Variants in RAB37 observed in about 807,000 individuals in gnomAD.
RAB37 encodes RAB37, member RAS oncogene family.
RAB37 carries 29 observed loss-of-function variants against 33.1 expected under a neutral mutation model. The observed-to-expected ratio is 0.88, with a 90% CI of 0.65 to 1.20. The LOEUF is 1.20. Ranked by LOEUF, RAB37 falls within the 50% of genes most tolerant of loss-of-function variation. The pLI is 0.00. For synonymous variants in RAB37, 128 were observed against 119.5 expected (o/e 1.07, Z -0.47); for missense variants, 299 against 301.1 (o/e 0.99, Z 0.05).
chr17:74,712,942 G>A, intron 1 of RAB37: 1 of 1,449,516 alleles, frequency 6.9e-7, no homozygotes, highest in Non-Finnish European at 9.6e-7. Context: ...CCAGCCTTCT[G>A]CTGGTACTCA....
chr17:74,698,216 C>T (rs1287287881), intron 1 of RAB37, among the ~76,000 whole-genome samples: 1 of 152,186 alleles, frequency 6.6e-6, no homozygotes, highest in Non-Finnish European at 1.5e-5. Flanking sequence ...CCAGGGCGCC[C>T]CCCGGTCCCC....
At chr17:74,743,418 C>T in intron 5 of RAB37, 78 bp downstream of exon 5, 1 of 1,446,648 alleles carries the variant, frequency 6.9e-7, no homozygotes, top group Non-Finnish European at 9.7e-7. Flanking sequence ...GCTTCCTGCC[C>T]TGTGGAAAGC....
chr17:74,698,782 G>A (rs538513648), intron 1 of RAB37, among the ~76,000 whole-genome samples: 8 of 152,282 alleles, frequency 5.3e-5, no homozygotes, highest in Admixed American at 4.6e-4. Context: ...TTACCTGGGT[G>A]ACAAAATAAT....
rs2031699647 is a variant in RAB37 at position 74,671,368 on chromosome 17, C to A, written c.-219C>A. 1 of 559,178 alleles carries A rather than the reference C, an allele frequency of 1.8e-6. No homozygotes were observed. Among genetic ancestry groups the A allele is most frequent in the Admixed American group, 3.0e-5 (1 of 33,336 alleles). 34.6% of individuals were successfully genotyped at this position (559,178 alleles called of 1,614,324 possible). A position where few individuals can be genotyped will look rare whatever the true frequency, so the allele number is the denominator to read the frequency against. Reference sequence around the variant, plus strand: ...GCGCACAACGGCGGAGTCGCTGTTCCTGGTGCTGAAACGCTCAGTCCTGGA... The same window carrying A: ...GCGCACAACGGCGGAGTCGCTGTTCATGGTGCTGAAACGCTCAGTCCTGGA... On this transcript the variant is annotated 5_prime_UTR_variant, in exon 1 of 8. Coordinates refer to the RAB37 transcript ENST00000340415. This position sits in a 1 kb window ranked among gnomAD's most constrained non-coding sequence, Gnocchi z 5.0.
intron 5 of RAB37, among the ~76,000 whole-genome samples, chr17:74,743,665 A>G (rs2034677642): frequency 6.6e-6 from 1 of 152,192 alleles, no homozygotes; most frequent in African/African-American, 2.4e-5. Flanking sequence ...GAAAAACACA[A>G]CCAGAAAAGT....
Position 74,671,852 on chromosome 17 carries a change from C to G in RAB37, c.72+194C>G, listed in dbSNP as rs982324477. 6.6e-6 allele frequency among the ~76,000 whole-genome samples: 1 copy of G among 152,194 alleles called. No individual in the cohort carries two copies. The highest frequency in any genetic ancestry group is 1.5e-5 in the Non-Finnish European group (1 of 68,036). ...GTGAGCTCTTGGGGAAGGGCTGCCG[C>G]CAGAGGCTCAGATGGTCAGAAGCTT... On this transcript the variant is annotated intron_variant, in intron 1 of 7. Transcript: ENST00000340415. The surrounding 1 kb of genome is among the most constrained non-coding windows in gnomAD (Gnocchi z 5.0).
intron 1 of RAB37, among the ~76,000 whole-genome samples, chr17:74,687,601 T>A (rs1025601004): frequency 6.6e-6 from 1 of 152,110 alleles, no homozygotes. Flanking sequence ...GTGGACTACT[T>A]TGGGGAAGGG....
At chr17:74,674,359 G>T (rs954140924) in intron 1 of RAB37, among the ~76,000 whole-genome samples, 2 of 150,648 alleles carry the variant, frequency 1.3e-5, no homozygotes, top group Non-Finnish European at 2.9e-5. Flanking sequence ...GGCATTATAT[G>T]TATGAGCCAC....
chr17:74,733,479 G>T (rs142992337), upstream of RAB37, among the ~76,000 whole-genome samples: 1,157 of 8,978 alleles, frequency 0.13, no homozygotes, highest in Middle Eastern at 0.14. Context: ...TGTGTGTGGT[G>T]TGAGGTGTGT....
intron 1 of RAB37, among the ~76,000 whole-genome samples, chr17:74,694,073 T>C (rs1487190865): frequency 6.6e-6 from 1 of 152,124 alleles, no homozygotes; most frequent in Non-Finnish European, 1.5e-5. Flanking sequence ...CTCCAGGCTC[T>C]GGAGTCAAAT....
At chr17:74,700,514 G>T (rs982902994) in intron 1 of RAB37, among the ~76,000 whole-genome samples, 9 of 152,164 alleles carry the variant, frequency 5.9e-5, no homozygotes, top group Non-Finnish European at 1.3e-4. Context: ...GCCGAGGCAG[G>T]CTGATCACAT....
Position 74,743,319 on chromosome 17 carries a change from ATCT to A in RAB37, c.350_352del (p.Ser117del). The A allele has an allele frequency of 1.9e-6, 3 of 1,613,816 alleles. No individual in the cohort carries two copies. The highest frequency in any genetic ancestry group is 2.5e-6 in the Non-Finnish European group (3 of 1,179,914). ...TTCTGCTGTATGACATCACCAACAA[ATCT>A]TCTTTCGACAACATCAGGGTAGGTC... On this transcript the variant is annotated inframe_deletion, in exon 5 of 9. Coordinates refer to ENST00000392613, the MANE Select transcript of RAB37 (RefSeq NM_001006638.3).
In RAB37 at chr17:74,730,148, G is replaced by C. The variant is rs1189060153; in HGVS notation, c.183+782G>C. Reference sequence around the variant, plus strand: ...GAATTCCTGGGAAGACCTTGGGAGAGGGTTCCACTCCTCTCTCGGGCTGTG... The same window carrying C: ...GAATTCCTGGGAAGACCTTGGGAGACGGTTCCACTCCTCTCTCGGGCTGTG... On this transcript the variant is annotated intron_variant, in intron 2 of 7. Coordinates refer to the RAB37 transcript ENST00000340415. The surrounding 1 kb of genome is among the most constrained non-coding windows in gnomAD (Gnocchi z 4.4). 6.6e-6 allele frequency among the ~76,000 whole-genome samples: 1 copy of C among 152,168 alleles called. No homozygotes were observed. The highest frequency in any genetic ancestry group is 1.5e-5 in the Non-Finnish European group (1 of 68,024).
chr17:74,673,483 A>G (rs913992164), intron 1 of RAB37, among the ~76,000 whole-genome samples: 1 of 151,128 alleles, frequency 6.6e-6, no homozygotes, highest in Non-Finnish European at 1.5e-5. Flanking sequence ...TTTCCTGGCA[A>G]CTAGATATGT....
In RAB37 at chr17:74,682,522, AG is replaced by A. The variant is rs563948848; in HGVS notation, c.72+10867del. Among the ~76,000 whole-genome samples the A allele has an allele frequency of 2.0e-3, 307 of 152,322 alleles. 1 individual carries two copies. Among genetic ancestry groups the A allele is most frequent in the Non-Finnish European group, 3.7e-3 (252 of 68,022 alleles). ...ACCCCTGAACCAATACTATAGCCAG[AG>A]GGTAGAACATGATGGACGGCTTAAG... On this transcript the variant is annotated intron_variant, in intron 1 of 7. Transcript: ENST00000340415.
chr17:74,715,778 A>C (rs1274163842), intron 1 of RAB37, among the ~76,000 whole-genome samples: 1 of 152,160 alleles, frequency 6.6e-6, no homozygotes, highest in African/African-American at 2.4e-5. Context: ...CTGTGATCTC[A>C]ACTCTTTGGG....
chr17:74,722,297 AAAG>A (rs1037535338), intron 1 of RAB37, among the ~76,000 whole-genome samples: 1 of 151,962 alleles, frequency 6.6e-6, no homozygotes, highest in African/African-American at 2.4e-5. Context: ...AAAAAAAAAA[AAAG>A]AAAGAGAGAG....
At chr17:74,672,613 C>T (rs2031731546) in intron 1 of RAB37, 1 of 152,178 alleles carries the variant, frequency 6.6e-6, no homozygotes, top group Non-Finnish European at 1.5e-5. Flanking sequence ...GGAAAAATGA[C>T]TTGTCCAAGA....
At chr17:74,706,286 T>C (rs577423822) in intron 1 of RAB37, among the ~76,000 whole-genome samples, 4 of 147,486 alleles carry the variant, frequency 2.7e-5, no homozygotes, top group Admixed American at 6.8e-5. Flanking sequence ...AAAAAAAATA[T>C]ATATATATAT....
Sources: allele counts gnomAD v4.1 joint callset (sites outside exome capture counted in the v4.1 genomes callset), GRCh38; gene constraint gnomAD v4.1.1; non-coding constraint Gnocchi (gnomAD v3.1); transcripts MANE v1.5; gene names NCBI Gene and HGNC (gene_info 2026-07-23, HGNC 2026-07-21).